PDE1A: variants seen among roughly 807,000 people sequenced by gnomAD.
The protein encoded by PDE1A is dual specificity calcium/calmodulin-dependent 3',5'-cyclic nucleotide phosphodiesterase 1A.
In PDE1A, 35 loss-of-function variants were observed where a neutral mutation model predicts 61.7. That is an observed-to-expected ratio of 0.57 (90% CI 0.43 to 0.75). PDE1A has a LOEUF of 0.75. Ranked by LOEUF, PDE1A falls within the 30% of genes least tolerant of loss-of-function variation. The pLI, the probability that PDE1A is intolerant of heterozygous loss-of-function variation, is 0.00. For missense variants in PDE1A, 597 were observed against 630.6 expected (o/e 0.95, Z 0.57); for synonymous variants, 232 against 213.2 (o/e 1.09, Z -0.77).
chr2:182,624,011 G>C, the PDE1A span, among the ~76,000 whole-genome samples: 1 of 151,366 alleles, frequency 6.6e-6, no homozygotes, highest in Admixed American at 6.6e-5. Context: ...TGTAGTCCCA[G>C]CTACTCGGGA....
the PDE1A span, among the ~76,000 whole-genome samples, chr2:182,643,411 C>T: frequency 6.6e-6 from 1 of 152,310 alleles, no homozygotes. Context: ...GGGTCTGGCT[C>T]ATCTTATGCC....
intron 1 of PDE1A, among the ~76,000 whole-genome samples, chr2:182,283,523 C>T (rs1023364024): frequency 6.0e-5 from 9 of 151,212 alleles, no homozygotes; most frequent in African/African-American, 9.7e-5. Context: ...TATAGGGCTC[C>T]GGGATTTTGA....
the PDE1A span, among the ~76,000 whole-genome samples, chr2:182,603,004 T>C: frequency 1.9e-3 from 285 of 148,422 alleles, no homozygotes; most frequent in Non-Finnish European, 3.3e-3. Flanking sequence ...CATACATACA[T>C]ACATACATAC....
At chr2:182,468,552 G>A (rs576397130) in intron 2 of PDE1A, among the ~76,000 whole-genome samples, 1 of 151,998 alleles carries the variant, frequency 6.6e-6, no homozygotes, top group Non-Finnish European at 1.5e-5. Context: ...ACCCCTCAAA[G>A]TCATCCATGA....
chr2:182,584,456 T>C, the PDE1A span, among the ~76,000 whole-genome samples: 1 of 152,230 alleles, frequency 6.6e-6, no homozygotes, highest in Non-Finnish European at 1.5e-5. Flanking sequence ...ACAGGCAAAC[T>C]ACTTAACTTA....
intron 1 of PDE1A, among the ~76,000 whole-genome samples, chr2:182,300,504 T>C (rs1003307292): frequency 1.3e-5 from 2 of 152,138 alleles, no homozygotes; most frequent in African/African-American, 2.4e-5. Context: ...TTTTGAGCAG[T>C]GTATCTAGCC....
intron 2 of PDE1A, among the ~76,000 whole-genome samples, chr2:182,497,186 A>C (rs1340780174): frequency 1.3e-5 from 2 of 152,242 alleles, no homozygotes; most frequent in Non-Finnish European, 2.9e-5. Context: ...GTAAAAACAA[A>C]ACATGTTATA....
chr2:182,200,858 G>A (rs1310228067), intron 10 of PDE1A, among the ~76,000 whole-genome samples: 2 of 152,176 alleles, frequency 1.3e-5, no homozygotes, highest in Non-Finnish European at 2.9e-5. Flanking sequence ...CATTTGTATT[G>A]TAGCACTCCA....
intron 2 of PDE1A, among the ~76,000 whole-genome samples, chr2:182,242,883 C>CCTCTCTCTCTCCCTCTCTCT (rs1553550661): frequency 9.2e-5 from 12 of 130,200 alleles, no homozygotes; most frequent in South Asian, 8.7e-4. Context: ...TCCTCTCCTC[C>CCTCTCTCTCTCCCTCTCTCT]CTCTCTCTCT....
intron 13 of PDE1A, among the ~76,000 whole-genome samples, chr2:182,183,625 C>T (rs1344035291): frequency 1.3e-5 from 2 of 151,904 alleles, no homozygotes; most frequent in Non-Finnish European, 2.9e-5. Flanking sequence ...CAGGATTTAA[C>T]AGAAAAACCC....
intron 1 of PDE1A, among the ~76,000 whole-genome samples, chr2:182,391,605 T>TA (rs1701424603): frequency 6.6e-6 from 1 of 152,210 alleles, no homozygotes; most frequent in Non-Finnish European, 1.5e-5. Flanking sequence ...CTCTTCTCTA[T>TA]ATGCCACATC....
At chr2:182,368,219 C>T (rs1388875774) in intron 1 of PDE1A, among the ~76,000 whole-genome samples, 3 of 152,044 alleles carry the variant, frequency 2.0e-5, no homozygotes, top group East Asian at 1.9e-4. Flanking sequence ...ATATCATTAT[C>T]GCATTTTACA....
intron 2 of PDE1A, among the ~76,000 whole-genome samples, chr2:182,503,569 C>T (rs1362737365): frequency 1.3e-5 from 2 of 152,112 alleles, no homozygotes; most frequent in African/African-American, 4.8e-5. Flanking sequence ...GTGCACCCTG[C>T]TTGGGGTGTG....
chr2:182,462,536 A>G (rs1341842432), intron 2 of PDE1A, among the ~76,000 whole-genome samples: 4 of 152,074 alleles, frequency 2.6e-5, no homozygotes. Context: ...CTGTGCATGA[A>G]GAAGGGAAAA....
intron 13 of PDE1A, among the ~76,000 whole-genome samples, chr2:182,183,898 G>T (rs1244680817): frequency 2.6e-5 from 4 of 151,806 alleles, no homozygotes; most frequent in Admixed American, 2.0e-4. Flanking sequence ...CAGCAGGATT[G>T]AGGTGGCAGA....
chr2:182,243,521 G>C (rs1367828740), intron 2 of PDE1A, among the ~76,000 whole-genome samples: 4 of 152,194 alleles, frequency 2.6e-5, no homozygotes, highest in Non-Finnish European at 1.5e-5. Context: ...GACTGAGAGA[G>C]AGAGTGACCC....
chr2:182,634,186 T>C, the PDE1A span, among the ~76,000 whole-genome samples: 1 of 152,062 alleles, frequency 6.6e-6, no homozygotes, highest in Non-Finnish European at 1.5e-5. Flanking sequence ...TAATCAAAAA[T>C]AAAAAGTATT....
chr2:182,392,714 G>A, intron 1 of PDE1A, among the ~76,000 whole-genome samples: 1 of 152,238 alleles, frequency 6.6e-6, no homozygotes, highest in East Asian at 1.9e-4. Flanking sequence ...TATACCAAAT[G>A]GGAGAAATTG....
At chr2:182,581,321 G>A in the PDE1A span, among the ~76,000 whole-genome samples, 1 of 152,018 alleles carries the variant, frequency 6.6e-6, no homozygotes, top group East Asian at 1.9e-4. Context: ...GAACAGAATT[G>A]GGTACAAACC....
Sources: gnomAD v4.1 joint callset for allele counts (sites outside exome capture counted in the v4.1 genomes callset) on GRCh38, gnomAD v4.1.1 for gene constraint, MANE v1.5 for transcripts, NCBI Gene and HGNC (gene_info 2026-07-23, HGNC 2026-07-21) for gene names.